Variants in COG5 observed in about 807,000 individuals in gnomAD.
The protein encoded by COG5 is component of oligomeric golgi complex 5.
COG5 carries 86 observed loss-of-function variants against 110.4 expected under a neutral mutation model. The observed-to-expected ratio is 0.78, with a 90% CI of 0.65 to 0.93. COG5 has a LOEUF of 0.93. Among genes scored for constraint, COG5 ranks in the 40% least tolerant of loss-of-function variants. The pLI, the probability that COG5 is intolerant of heterozygous loss-of-function variation, is 0.00. For synonymous variants in COG5, 360 were observed against 334.6 expected (o/e 1.08, Z -0.83); for missense variants, 1,077 against 987.0 (o/e 1.09, Z -1.22).
At chr7:107,267,713 C>A (rs775990268) in intron 14 of COG5, among the ~76,000 whole-genome samples, 9 of 151,944 alleles carry the variant, frequency 5.9e-5, no homozygotes, top group Non-Finnish European at 8.8e-5. Flanking sequence ...ACTAAAATCC[C>A]AGCTTCCTAG....
At chr7:107,394,736 G>T (rs947606528) in intron 7 of COG5, among the ~76,000 whole-genome samples, 1 of 152,152 alleles carries the variant, frequency 6.6e-6, no homozygotes, top group East Asian at 1.9e-4. Context: ...AAAAGTGACA[G>T]AATTTGATGA....
At position 107,455,920 on chromosome 7, in the gene COG5, A is replaced by C. The variant is rs534561660; in HGVS notation, c.539-43288T>G. On this transcript the variant is annotated intron_variant, in intron 6 of 21. Transcript: ENST00000297135. The stretch of plus-strand genomic sequence containing the variant: ...GCGATTCTTGTGCCTCAGCCTCCCA[A>C]GCAGCTGGGACTACAGACACGCACC... Among the ~76,000 whole-genome samples the C allele has an allele frequency of 2.1e-3, 314 of 151,864 alleles. 2 individuals carry two copies. Among genetic ancestry groups the C allele is most frequent in the African/African-American group, 7.3e-3 (302 of 41,414 alleles).
At chr7:107,486,933 G>A (rs2129125310) in intron 6 of COG5, among the ~76,000 whole-genome samples, 1 of 152,262 alleles carries the variant, frequency 6.6e-6, no homozygotes, top group East Asian at 1.9e-4. Context: ...CTAGAGTTGT[G>A]AGATGTGGTT....
At chr7:107,409,337 GA>G (rs938147493) in intron 7 of COG5, among the ~76,000 whole-genome samples, 2 of 148,680 alleles carry the variant, frequency 1.3e-5, no homozygotes, top group Non-Finnish European at 3.0e-5. Context: ...TTTGAGAAAA[GA>G]AAAAAAAAGT....
intron 18 of COG5, among the ~76,000 whole-genome samples, chr7:107,231,534 T>C (rs1428378279): frequency 6.6e-6 from 1 of 152,202 alleles, no homozygotes; most frequent in African/African-American, 2.4e-5. Flanking sequence ...AGACTGCTTC[T>C]CCACTCTTGC....
chr7:107,395,901 T>C (rs773201659), intron 7 of COG5, among the ~76,000 whole-genome samples: 3 of 152,092 alleles, frequency 2.0e-5, no homozygotes, highest in Non-Finnish European at 4.4e-5. Context: ...GAATATGTAT[T>C]TAATAAAATT....
chr7:107,256,434 T>C (rs1802883692), intron 16 of COG5, among the ~76,000 whole-genome samples: 1 of 152,104 alleles, frequency 6.6e-6, no homozygotes, highest in Non-Finnish European at 1.5e-5. Flanking sequence ...GAACCACTGC[T>C]CTACTGGAAT....
intron 7 of COG5, among the ~76,000 whole-genome samples, chr7:107,407,505 T>C (rs1378404440): frequency 6.6e-6 from 1 of 152,068 alleles, no homozygotes; most frequent in Non-Finnish European, 1.5e-5. Context: ...AAAGATATAG[T>C]ACTAGGTCTT....
At chr7:107,252,237 A>C (rs1301277067) in intron 16 of COG5, among the ~76,000 whole-genome samples, 1 of 152,190 alleles carries the variant, frequency 6.6e-6, no homozygotes, top group Non-Finnish European at 1.5e-5. Context: ...GTCTTTAAAC[A>C]AACCAACCAC....
chr7:107,551,276 G>C (rs1232016281), intron 3 of COG5, among the ~76,000 whole-genome samples: 1 of 151,928 alleles, frequency 6.6e-6, no homozygotes. Context: ...ACCTCTTTTT[G>C]ACAAAAAGAA....
At chr7:107,343,177 T>C (rs780777071) in intron 10 of COG5, among the ~76,000 whole-genome samples, 4 of 152,022 alleles carry the variant, frequency 2.6e-5, no homozygotes, top group East Asian at 3.9e-4. Context: ...TAGGTACTCA[T>C]GGACATGAAG....
At chr7:107,463,647 C>G (rs1158356720) in intron 6 of COG5, among the ~76,000 whole-genome samples, 2 of 152,070 alleles carry the variant, frequency 1.3e-5, no homozygotes, top group African/African-American at 2.4e-5. Context: ...AGTGTTTTAC[C>G]CCCTGTAGGA....
At chr7:107,353,424 C>CAAAAA (rs1169669994) in intron 10 of COG5, among the ~76,000 whole-genome samples, 7 of 84,106 alleles carry the variant, frequency 8.3e-5, no homozygotes, top group Admixed American at 1.3e-4. Context: ...GACTCCGTCT[C>CAAAAA]AAAAAAAAAA....
intron 19 of COG5, among the ~76,000 whole-genome samples, chr7:107,226,824 C>T (rs1272795215): frequency 6.6e-6 from 1 of 152,102 alleles, no homozygotes; most frequent in Non-Finnish European, 1.5e-5. Context: ...TGAGAAAGCA[C>T]TAGGATTAAT....
chr7:107,326,463 T>A (rs1187077907), intron 10 of COG5, among the ~76,000 whole-genome samples: 1 of 152,072 alleles, frequency 6.6e-6, no homozygotes, highest in Non-Finnish European at 1.5e-5. Flanking sequence ...AGTTGTAGCC[T>A]ACAAAATCAA....
In COG5 at chr7:107,282,214, A is replaced by G. The variant is rs116418236; in HGVS notation, c.1476-815T>C. On this transcript the variant is annotated intron_variant, in intron 13 of 21. Coordinates refer to ENST00000297135, the MANE Select transcript of COG5 (RefSeq NM_006348.5). Reference sequence around the variant, plus strand: ...ATGTGTAACAAAAATGCACTTTCATACAGTATTGAGACATAATTTTGTTAA... The same window carrying G: ...ATGTGTAACAAAAATGCACTTTCATGCAGTATTGAGACATAATTTTGTTAA... 4.5e-3 allele frequency among the ~76,000 whole-genome samples: 687 copies of G among 152,312 alleles called. 4 individuals carry two copies. Among genetic ancestry groups the G allele is most frequent in the Middle Eastern group, 0.024 (7 of 294 alleles).
intron 11 of COG5, among the ~76,000 whole-genome samples, chr7:107,320,695 G>A (rs1049306402): frequency 1.3e-5 from 2 of 152,068 alleles, no homozygotes; most frequent in African/African-American, 4.8e-5. Flanking sequence ...GGATAAGTAC[G>A]GAAAGAGAGA....
chr7:107,294,713 C>CTTTTTTTTTTTTT (rs796291188), intron 12 of COG5, among the ~76,000 whole-genome samples: 3 of 110,036 alleles, frequency 2.7e-5, no homozygotes, highest in East Asian at 2.7e-4. Context: ...AATTTTCTTT[C>CTTTTTTTTTTTTT]TTTTTTTTTT....
intron 6 of COG5, among the ~76,000 whole-genome samples, chr7:107,516,051 G>T (rs1563077773): frequency 6.6e-6 from 1 of 152,102 alleles, no homozygotes; most frequent in African/African-American, 2.4e-5. Context: ...GAAAAATCAT[G>T]AATCTATGTG....
Sources: gnomAD v4.1 joint callset for allele counts (sites outside exome capture counted in the v4.1 genomes callset) on GRCh38, gnomAD v4.1.1 for gene constraint, MANE v1.5 for transcripts, NCBI Gene and HGNC (gene_info 2026-07-23, HGNC 2026-07-21) for gene names.